The following CSMD1 variants were observed in gnomAD, a reference collection of about 807,000 sequenced individuals.
CSMD1 encodes the protein CUB and sushi domain-containing protein 1.
Under a neutral mutation model 417.5 loss-of-function variants are expected in CSMD1, and 213 were observed. That is an observed-to-expected ratio of 0.51 (90% CI 0.46 to 0.57). CSMD1 has a LOEUF of 0.57. CSMD1 is among the 20% of genes least tolerant of loss of function. The pLI is 0.00. For missense variants in CSMD1, 6,923 were observed against 4,529.7 expected (o/e 1.53, Z -15.17); for synonymous variants, 2,862 against 1,736.8 (o/e 1.65, Z -16.11).
intron 2 of CSMD1, among the ~76,000 whole-genome samples, chr8:4,634,519 A>C (rs1802713921): frequency 6.6e-6 from 1 of 152,244 alleles, no homozygotes; most frequent in Non-Finnish European, 1.5e-5. Flanking sequence ...TGCAACAATA[A>C]AACAACAACA....
chr8:3,761,929 C>T (rs1798028055), intron 5 of CSMD1, among the ~76,000 whole-genome samples: 1 of 152,082 alleles, frequency 6.6e-6, no homozygotes, highest in Admixed American at 6.5e-5. Flanking sequence ...TTTCTGGGAG[C>T]ACTCTCTGAG....
At chr8:4,347,810 A>C (rs978397334) in intron 3 of CSMD1, among the ~76,000 whole-genome samples, 3 of 151,128 alleles carry the variant, frequency 2.0e-5, no homozygotes, top group Non-Finnish European at 2.9e-5. Flanking sequence ...ATAATCACTT[A>C]AACAGATATT....
At chr8:4,133,390 A>G (rs1198599238) in intron 3 of CSMD1, among the ~76,000 whole-genome samples, 2 of 152,232 alleles carry the variant, frequency 1.3e-5, no homozygotes, top group African/African-American at 4.8e-5. Context: ...TATAACATAT[A>G]TACCTTCACA....
At chr8:3,777,120 CTACACA>C (rs1327888678) in intron 5 of CSMD1, among the ~76,000 whole-genome samples, 2 of 43,966 alleles carry the variant, frequency 4.5e-5, no homozygotes, top group Admixed American at 3.8e-4. Context: ...CTATCTATAC[CTACACA>C]CACACACACA....
intron 3 of CSMD1, among the ~76,000 whole-genome samples, chr8:4,057,252 G>C (rs1468415912): frequency 2.0e-5 from 3 of 152,160 alleles, no homozygotes; most frequent in South Asian, 2.1e-4. Flanking sequence ...GTATCTCATT[G>C]TGGTTTTGAT....
At chr8:4,689,496 T>G (rs964372130) in intron 1 of CSMD1, among the ~76,000 whole-genome samples, 2 of 152,208 alleles carry the variant, frequency 1.3e-5, no homozygotes, top group African/African-American at 4.8e-5. Context: ...TTATGACGTA[T>G]TTCTTGGATA....
intron 3 of CSMD1, among the ~76,000 whole-genome samples, chr8:4,055,552 A>G (rs1457721309): frequency 7.1e-6 from 1 of 141,062 alleles, no homozygotes; most frequent in Non-Finnish European, 1.5e-5. Context: ...TTTAATGAAT[A>G]TCATATAAAG....
intron 11 of CSMD1, among the ~76,000 whole-genome samples, chr8:3,472,465 C>G (rs1221163179): frequency 6.6e-6 from 1 of 152,084 alleles, no homozygotes; most frequent in Non-Finnish European, 1.5e-5. Flanking sequence ...GTGTTAAAGT[C>G]TACTACCAAT....
At chr8:4,170,620 G>A (rs930565733) in intron 3 of CSMD1, among the ~76,000 whole-genome samples, 2 of 151,726 alleles carry the variant, frequency 1.3e-5, no homozygotes, top group African/African-American at 2.4e-5. Flanking sequence ...ATGAATTCTG[G>A]GTGGAAAACA....
intron 10 of CSMD1, among the ~76,000 whole-genome samples, chr8:3,565,160 A>AAAAAG (rs1799646220): frequency 1.5e-5 from 2 of 129,530 alleles, no homozygotes; most frequent in African/African-American, 2.9e-5. Flanking sequence ...AAAAAAAAAA[A>AAAAAG]GAGAGAGATC....
At chr8:4,837,002 G>A (rs1009780122) in intron 1 of CSMD1, among the ~76,000 whole-genome samples, 3 of 152,020 alleles carry the variant, frequency 2.0e-5, no homozygotes, top group Non-Finnish European at 4.4e-5. Flanking sequence ...AGACCACCCA[G>A]AAGACAGGGC....
intron 5 of CSMD1, among the ~76,000 whole-genome samples, chr8:3,927,937 G>T (rs545213935): frequency 2.6e-5 from 4 of 152,010 alleles, no homozygotes; most frequent in Non-Finnish European, 5.9e-5. Context: ...TGTTTTGTTA[G>T]ATTATCTGTT....
intron 5 of CSMD1, among the ~76,000 whole-genome samples, chr8:3,939,161 A>C (rs925931682): frequency 6.6e-6 from 1 of 152,172 alleles, no homozygotes; most frequent in Non-Finnish European, 1.5e-5. Context: ...AACCAATCTA[A>C]CATAGTTTCT....
chr8:4,500,559 CTG>C (rs1200815178), intron 2 of CSMD1, among the ~76,000 whole-genome samples: 1 of 152,020 alleles, frequency 6.6e-6, no homozygotes, highest in Non-Finnish European at 1.5e-5. Flanking sequence ...GTGCCACAGA[CTG>C]TTACTAAAAA....
Position 4,720,669 on chromosome 8 carries a change from G to A in CSMD1, c.86-83111C>T, listed in dbSNP as rs145544636. Among the ~76,000 whole-genome samples the A allele has an allele frequency of 6.4e-3, 970 of 152,260 alleles. 11 individuals carry two copies. The highest frequency in any genetic ancestry group is 0.024 in the South Asian group (116 of 4,820). ...ATTCCTAAACTCGATTGATCCACCT[G>A]CCTTGGCTTCCCAAAGAGCTGGGAT... On this transcript the variant is annotated intron_variant, in intron 1 of 69. Coordinates refer to ENST00000635120, the MANE Select transcript of CSMD1 (RefSeq NM_033225.6).
At chr8:3,741,143 G>T (rs918328359) in intron 6 of CSMD1, among the ~76,000 whole-genome samples, 1 of 149,584 alleles carries the variant, frequency 6.7e-6, no homozygotes, top group Non-Finnish European at 1.5e-5. Context: ...GAAGCTGGGA[G>T]GTGGAGGTTG....
intron 8 of CSMD1, among the ~76,000 whole-genome samples, chr8:3,589,177 T>C (rs756197730): frequency 2.0e-5 from 3 of 152,156 alleles, no homozygotes; most frequent in Admixed American, 6.5e-5. Flanking sequence ...GAAAATAGTA[T>C]AGGGGTTGCT....
chr8:3,239,540 A>G (rs1369565144), intron 26 of CSMD1, among the ~76,000 whole-genome samples: 1 of 152,206 alleles, frequency 6.6e-6, no homozygotes, highest in East Asian at 1.9e-4. Flanking sequence ...GGGCAGGGGC[A>G]AATCCTGGAG....
At chr8:4,980,842 T>A (rs946407661) in intron 1 of CSMD1, among the ~76,000 whole-genome samples, 5 of 151,712 alleles carry the variant, frequency 3.3e-5, no homozygotes, top group Non-Finnish European at 7.4e-5. Flanking sequence ...AAGTTGAGGC[T>A]GCAGTGAGCG....
Sources: allele counts gnomAD v4.1 joint callset (sites outside exome capture counted in the v4.1 genomes callset), GRCh38; gene constraint gnomAD v4.1.1; transcripts MANE v1.5; gene names NCBI Gene and HGNC (gene_info 2026-07-23, HGNC 2026-07-21).